Variants in VPS13C observed in about 807,000 individuals in gnomAD.
VPS13C encodes the protein intermembrane lipid transfer protein VPS13C.
Under a neutral mutation model 456.8 loss-of-function variants are expected in VPS13C, and 358 were observed. The observed-to-expected ratio is 0.78, with a 90% CI of 0.72 to 0.86. VPS13C has a LOEUF of 0.86. Among genes scored for constraint, VPS13C ranks in the 40% least tolerant of loss-of-function variants. The pLI, the probability that VPS13C is intolerant of heterozygous loss-of-function variation, is 0.00. For missense variants in VPS13C, 4,818 were observed against 4,385.4 expected, an observed-to-expected ratio of 1.10 and a Z score of -2.79; for synonymous variants, 1,578 against 1,486.7, an observed-to-expected ratio of 1.06 and a Z score of -1.41.
chr15:61,995,164 T>C (rs1226073198), intron 16 of VPS13C, among the ~76,000 whole-genome samples: 1 of 152,238 alleles, frequency 6.6e-6, no homozygotes, highest in Non-Finnish European at 1.5e-5. Flanking sequence ...ACTTCTTTAT[T>C]ACTAATTTCA....
In VPS13C at chr15:61,853,926, C is replaced by T. The variant is rs2059470; in HGVS notation, c.*531G>A. 0.53 allele frequency: 80,886 copies of T among 151,310 alleles called. 21,977 individuals are homozygous for T. The highest frequency in any genetic ancestry group is 0.62 in the Admixed American group (9,414 of 15,296). 9.4% of individuals were successfully genotyped at this position (151,310 alleles called of 1,614,324 possible). ...GCGTGGTGGCACACACCTGTAATCC[C>T]AGCTACTCAGGAGGCTGAGGCAGTA... is the stretch of plus-strand genomic sequence containing the variant. On this transcript the variant is annotated 3_prime_UTR_variant, in exon 85 of 85. Transcript: ENST00000644861.
rs550139115 is a variant in VPS13C, at chr15:61,940,135, C to T, written c.5601+512G>A. 1.6e-4 allele frequency among the ~76,000 whole-genome samples: 24 copies of T among 152,194 alleles called. No individual in the cohort carries two copies. In the South Asian group the frequency reaches 4.1e-3, roughly 26 times the overall value. ...TATTTATATGCTTATCAAATATACA[C>T]ATTTGCCTATTCAAAATGATATCAC... On this transcript the variant is annotated intron_variant, in intron 47 of 84. Transcript: ENST00000644861.
chr15:61,919,339 T>C lies in VPS13C; in HGVS notation c.7588A>G (p.Ile2530Val), dbSNP rs1394887646. 6 of 1,606,624 alleles carry C rather than the reference T, an allele frequency of 3.7e-6. No individual in the cohort carries two copies. The African/African-American group carries it at 8.1e-5, about 22-fold the overall frequency. ...ASHSDSVLVQ[I>V]DATEGNKVIT... is the part of the protein sequence containing the mutation. ...ACTTTATTCCCTTCAGTTGCATCAA[T>C]TTGTACCAAGACAGAGTCAGAATGA... is the stretch of plus-strand genomic sequence containing the variant. Residue 2530 changes from isoleucine to valine, a missense_variant, in exon 58 of 85, where the codon ATT becomes GTT. Physicochemically the swap from Ile to Val is conservative, Grantham distance 29. Coordinates refer to ENST00000644861, the MANE Select transcript of VPS13C (RefSeq NM_020821.3).
chr15:61,934,449 A>G (rs1350644470), intron 48 of VPS13C, 118 bp from the exon 49 acceptor site: 1 of 498,108 alleles, frequency 2.0e-6, no homozygotes. Flanking sequence ...TGTAAATCAT[A>G]TTGAGACAAT....
At position 62,002,408 on chromosome 15, in the gene VPS13C, T is replaced by G. The variant is rs1450157156; in HGVS notation, c.1291-1782A>C. 3.3e-5 allele frequency among the ~76,000 whole-genome samples: 5 copies of G among 152,322 alleles called. No individual in the cohort carries two copies. In the East Asian group the frequency reaches 7.7e-4, roughly 24 times the overall value. On this transcript the variant is annotated intron_variant, in intron 15 of 84. Coordinates refer to ENST00000644861, the MANE Select transcript of VPS13C (RefSeq NM_020821.3). ...AAATTTGTTTGAGTTCATTATAGAT[T>G]CTGGATATTAGTCCTTTGTTAGATG... is the stretch of plus-strand genomic sequence containing the variant.
At chr15:61,936,311 T>C (rs1456214977) in intron 48 of VPS13C, among the ~76,000 whole-genome samples, 1 of 152,166 alleles carries the variant, frequency 6.6e-6, no homozygotes, top group Non-Finnish European at 1.5e-5. Context: ...ACTGCCTATC[T>C]AGCTTGATTC....
At chr15:62,019,518 C>G (rs574581325) in intron 9 of VPS13C, among the ~76,000 whole-genome samples, 1 of 152,174 alleles carries the variant, frequency 6.6e-6, no homozygotes, top group African/African-American at 2.4e-5. Context: ...CAAAGAACAT[C>G]TTTATTTCTG....
intron 60 of VPS13C, 90 bp downstream of exon 60, chr15:61,917,251 A>G: frequency 7.3e-7 from 1 of 1,366,060 alleles, no homozygotes; most frequent in South Asian, 1.4e-5. Flanking sequence ...ACGCTATATA[A>G]AACACTGACC....
intron 52 of VPS13C, among the ~76,000 whole-genome samples, chr15:61,926,722 G>A (rs536268756): frequency 7.2e-5 from 11 of 152,264 alleles, no homozygotes; most frequent in South Asian, 6.2e-4. Context: ...CGCTTTTGGC[G>A]AAGTGACTCC....
At chr15:62,007,791 T>C (rs1443889662) in intron 14 of VPS13C, among the ~76,000 whole-genome samples, 1 of 152,128 alleles carries the variant, frequency 6.6e-6, no homozygotes, top group Non-Finnish European at 1.5e-5. Flanking sequence ...TTTATAAAAA[T>C]GTTGAATGTC....
At chr15:61,863,396 T>A in intron 82 of VPS13C, 44 bp downstream of exon 82, 1 of 1,467,762 alleles carries the variant, frequency 6.8e-7, no homozygotes, top group East Asian at 2.3e-5. Context: ...TTGTGACCTA[T>A]GCAACTAAGT....
chr15:61,947,251 A>G lies in VPS13C; in HGVS notation c.4818T>C (p.Asn1606=), dbSNP rs554160782. ...VFDLKITAEL[N]AFNVFVCDQK... is the part of the protein sequence containing the mutation. ...GATCACAGACAAAGACATTAAATGC[A>G]TTTAATTCAGCTGTGATCTTTAAAT... Residue 1606 remains asparagine, a synonymous_variant, in exon 43 of 85, where the codon AAT becomes AAC. Coordinates refer to ENST00000644861, the MANE Select transcript of VPS13C (RefSeq NM_020821.3). The G allele has an allele frequency of 3.4e-5, 54 of 1,608,874 alleles. No individual in the cohort carries two copies. The South Asian group carries it at 5.6e-4, about 17-fold the overall frequency.
At chr15:61,974,946 T>C (rs2045660345) in intron 24 of VPS13C, among the ~76,000 whole-genome samples, 1 of 152,162 alleles carries the variant, frequency 6.6e-6, no homozygotes, top group Non-Finnish European at 1.5e-5. Flanking sequence ...TGGCAGGTGC[T>C]TCTATTCTGT....
chr15:61,996,263 A>G (rs1380854393), intron 16 of VPS13C, among the ~76,000 whole-genome samples: 1 of 152,186 alleles, frequency 6.6e-6, no homozygotes, highest in Non-Finnish European at 1.5e-5. Flanking sequence ...CACGTGTAAA[A>G]CAAACTCAAA....
rs185707047 is a variant in VPS13C at position 62,000,621 on chromosome 15, C to T, written c.1296G>A (p.Leu432=). ...SEEIQKEIQD[L]EKTLDVFNII... is the part of the protein sequence containing the mutation. The stretch of plus-strand genomic sequence containing the variant: ...TGTTAAAAACATCTAGAGTCTTCTC[C>T]AAGTCCTGTAAAAAACAGAGGCACT... Residue 432 remains leucine, a synonymous_variant, in exon 16 of 85, where the codon TTG becomes TTA. Transcript: ENST00000644861. 3.1e-6 allele frequency: 5 copies of T among 1,599,486 alleles called. No individual in the cohort carries two copies. In the East Asian group the frequency reaches 1.1e-4, roughly 36 times the overall value.
chr15:62,045,735 A>C (rs1031697971), intron 1 of VPS13C, among the ~76,000 whole-genome samples: 3 of 152,258 alleles, frequency 2.0e-5, no homozygotes, highest in Admixed American at 1.3e-4. Flanking sequence ...AGGATATTGC[A>C]GTATTGGGAG....
Position 61,852,721 on chromosome 15 carries a change from T to C in VPS13C, c.*1736A>G, listed in dbSNP as rs569250820. The C allele has an allele frequency of 2.0e-5, 3 of 152,278 alleles. No homozygotes were observed. The highest frequency in any genetic ancestry group is 1.9e-4 in the East Asian group (1 of 5,188). 9.4% of individuals were successfully genotyped at this position (152,278 alleles called of 1,614,324 possible). A position where few individuals can be genotyped will look rare whatever the true frequency, so the allele number is the denominator to read the frequency against. On this transcript the variant is annotated 3_prime_UTR_variant, in exon 85 of 85. Transcript: ENST00000644861. ...AATAAACTGCAATTAACCACTAATA[T>C]AGAAATTCAATTTAAGCAAGAAGTT...
At chr15:62,035,499 T>C (rs1202011076) in intron 3 of VPS13C, among the ~76,000 whole-genome samples, 1 of 151,934 alleles carries the variant, frequency 6.6e-6, no homozygotes, top group Admixed American at 6.6e-5. Context: ...TGCTCTTCTA[T>C]CCACATCAAC....
At chr15:62,005,025 T>A (rs905632584) in intron 15 of VPS13C, among the ~76,000 whole-genome samples, 1 of 151,866 alleles carries the variant, frequency 6.6e-6, no homozygotes, top group Non-Finnish European at 1.5e-5. Flanking sequence ...GTTCTGTAGA[T>A]GTCTATTAGG....
Sources: gnomAD v4.1 joint callset for allele counts (sites outside exome capture counted in the v4.1 genomes callset) on GRCh38, gnomAD v4.1.1 for gene constraint, MANE v1.5 for transcripts, NCBI Gene and HGNC (gene_info 2026-07-23, HGNC 2026-07-21) for gene names.